Variants in NPAS3 observed in about 807,000 individuals in gnomAD.
NPAS3 encodes neuronal PAS domain protein 3, also known as neuronal PAS domain-containing protein 3.
A neutral mutation model predicts 73.1 loss-of-function variants in NPAS3; 14 were observed. The observed-to-expected ratio is 0.19, with a 90% CI of 0.13 to 0.30. NPAS3 has a LOEUF of 0.30. Among genes scored for constraint, NPAS3 ranks in the 10% least tolerant of loss-of-function variants. The probability of loss-of-function intolerance (pLI) is 1.00; values close to 1 mark genes in which losing one functional copy is unlikely to be tolerated. For missense variants in NPAS3, 1,096 were observed against 1,250.0 expected, an observed-to-expected ratio of 0.88 and a Z score of 1.86; for synonymous variants, 620 against 541.5, an observed-to-expected ratio of 1.14 and a Z score of -2.01.
At chr14:33,319,644 G>GAA (rs149664312) in intron 3 of NPAS3, among the ~76,000 whole-genome samples, 1 of 151,080 alleles carries the variant, frequency 6.6e-6, no homozygotes, top group African/African-American at 2.4e-5. Context: ...TATGGGGTTG[G>GAA]AAAAAAAAAT....
chr14:33,501,545 C>G (rs1172073808), intron 4 of NPAS3, among the ~76,000 whole-genome samples: 1 of 151,778 alleles, frequency 6.6e-6, no homozygotes, highest in Non-Finnish European at 1.5e-5. Flanking sequence ...ACCCTCTCTG[C>G]TTTCTCTCAT....
At chr14:33,531,862 A>T (rs895718070) in intron 4 of NPAS3, among the ~76,000 whole-genome samples, 1 of 152,096 alleles carries the variant, frequency 6.6e-6, no homozygotes, top group Non-Finnish European at 1.5e-5. Flanking sequence ...AATCTTAGCC[A>T]TTCTGATAGG....
intron 2 of NPAS3, among the ~76,000 whole-genome samples, chr14:33,131,848 C>G (rs148206402): frequency 2.0e-5 from 3 of 152,082 alleles, no homozygotes; most frequent in African/African-American, 7.2e-5. Context: ...AAACTGGGAA[C>G]GTAATCTTTG....
At chr14:33,033,755 C>A (rs1054572147) in intron 1 of NPAS3, among the ~76,000 whole-genome samples, 1 of 152,092 alleles carries the variant, frequency 6.6e-6, no homozygotes, top group African/African-American at 2.4e-5. Context: ...CTAACATTGG[C>A]CAAGTGTCAA....
intron 1 of NPAS3, among the ~76,000 whole-genome samples, chr14:32,994,093 A>G (rs913873988): frequency 6.6e-6 from 1 of 152,248 alleles, no homozygotes; most frequent in African/African-American, 2.4e-5. Flanking sequence ...AAAAGGTGAT[A>G]GAGCAGCTGG....
intron 2 of NPAS3, among the ~76,000 whole-genome samples, chr14:33,147,899 A>G (rs2044304842): frequency 6.6e-6 from 1 of 151,918 alleles, no homozygotes; most frequent in Admixed American, 6.6e-5. Context: ...TTTTCACTTC[A>G]GTATTTTCAT....
At chr14:32,939,963 C>T (rs982617120) in intron 1 of NPAS3, among the ~76,000 whole-genome samples, 5 of 152,220 alleles carry the variant, frequency 3.3e-5, no homozygotes, top group African/African-American at 7.2e-5. Context: ...AGCGCGGCCG[C>T]CGCCTCCCTG....
chr14:33,628,350 G>T (rs988931379), intron 5 of NPAS3, among the ~76,000 whole-genome samples: 1 of 152,194 alleles, frequency 6.6e-6, no homozygotes, highest in African/African-American at 2.4e-5. Context: ...AGTATGCCAG[G>T]ACACAGGTTG....
intron 2 of NPAS3, among the ~76,000 whole-genome samples, chr14:33,084,503 T>C (rs575634421): frequency 1.2e-4 from 19 of 152,288 alleles, no homozygotes; most frequent in African/African-American, 4.6e-4. Context: ...AGGAAGTTAG[T>C]GGTTTGGCAT....
At chr14:33,754,634 G>A (rs1566503055) in intron 7 of NPAS3, among the ~76,000 whole-genome samples, 1 of 152,294 alleles carries the variant, frequency 6.6e-6, no homozygotes, top group Admixed American at 6.5e-5. Context: ...TTTCCAGAAA[G>A]ACAGAGGTAC....
chr14:33,688,620 C>T (rs1173206394), intron 6 of NPAS3, among the ~76,000 whole-genome samples: 2 of 152,142 alleles, frequency 1.3e-5, no homozygotes, highest in African/African-American at 4.8e-5. Flanking sequence ...TCAGGGTGTA[C>T]TTCAAGCTTT....
intron 2 of NPAS3, among the ~76,000 whole-genome samples, chr14:33,161,898 G>A (rs1356309004): frequency 2.0e-5 from 3 of 152,202 alleles, no homozygotes; most frequent in Non-Finnish European, 4.4e-5. Context: ...TGGCTCATGT[G>A]AGGAAGTGAC....
At chr14:33,067,981 A>C (rs1566525136) in intron 2 of NPAS3, among the ~76,000 whole-genome samples, 1 of 152,114 alleles carries the variant, frequency 6.6e-6, no homozygotes, top group East Asian at 1.9e-4. Context: ...ACATCCCCTT[A>C]ATTCAAGCTA....
intron 4 of NPAS3, among the ~76,000 whole-genome samples, chr14:33,537,277 T>C (rs1213218329): frequency 6.6e-6 from 1 of 152,214 alleles, no homozygotes; most frequent in Non-Finnish European, 1.5e-5. Context: ...ATTTAACTGA[T>C]GGCAGCTTCC....
At chr14:33,028,946 T>G (rs927702931) in intron 1 of NPAS3, among the ~76,000 whole-genome samples, 2 of 152,166 alleles carry the variant, frequency 1.3e-5, no homozygotes, top group African/African-American at 4.8e-5. Context: ...TTAAGCCCAG[T>G]GTGCATTAGC....
chr14:33,410,050 T>A (rs57404476), intron 4 of NPAS3, among the ~76,000 whole-genome samples: 1 of 152,178 alleles, frequency 6.6e-6, no homozygotes, highest in Non-Finnish European at 1.5e-5. Flanking sequence ...TTGATTTTTT[T>A]AAATCACTGC....
intron 5 of NPAS3, among the ~76,000 whole-genome samples, chr14:33,598,916 G>C (rs528540538): frequency 6.6e-5 from 10 of 152,206 alleles, no homozygotes; most frequent in Non-Finnish European, 1.2e-4. Context: ...ACATTTTATA[G>C]TTTGGCTTTA....
chr14:33,179,626 G>A (rs2045719745), intron 2 of NPAS3, among the ~76,000 whole-genome samples: 1 of 152,104 alleles, frequency 6.6e-6, no homozygotes, highest in Non-Finnish European at 1.5e-5. Flanking sequence ...ATATTATTAT[G>A]TCTGATCTGA....
intron 4 of NPAS3, among the ~76,000 whole-genome samples, chr14:33,476,984 C>T (rs1267449335): frequency 1.3e-5 from 2 of 151,970 alleles, no homozygotes; most frequent in Middle Eastern, 6.8e-3. Flanking sequence ...TTCTCTTTTT[C>T]TTTTATTTAA....
Sources: allele counts gnomAD v4.1 joint callset (sites outside exome capture counted in the v4.1 genomes callset), GRCh38; gene constraint gnomAD v4.1.1; transcripts MANE v1.5; gene names NCBI Gene and HGNC (gene_info 2026-07-23, HGNC 2026-07-21).